Variants in SORCS1 observed in about 807,000 individuals in gnomAD.
The protein encoded by SORCS1 is sortilin related VPS10 domain containing receptor 1.
SORCS1 carries 60 observed loss-of-function variants against 146.1 expected under a neutral mutation model. The observed-to-expected ratio is 0.41, with a 90% CI of 0.33 to 0.51. The LOEUF is 0.51. Ranked by LOEUF, SORCS1 falls within the 20% of genes least tolerant of loss-of-function variation. The probability of loss-of-function intolerance (pLI) is 0.21; values close to 1 mark genes in which losing one functional copy is unlikely to be tolerated. For synonymous variants in SORCS1, 637 were observed against 584.0 expected (o/e 1.09, Z -1.31); for missense variants, 1,352 against 1,487.6 (o/e 0.91, Z 1.50).
rs530742510 is a variant in SORCS1, at chr10:106,938,902, C to T, written c.626+17611G>A. Among the ~76,000 whole-genome samples the T allele has an allele frequency of 2.6e-5, 4 of 152,226 alleles. No homozygotes were observed. In the South Asian group the frequency reaches 8.3e-4, roughly 32 times the overall value. Reference sequence around the variant, plus strand: ...TATTGTAGGCTGGGACATCCTGCTGCCTAGCAAAAGTATAGTCTCCATGTT... The same window carrying T: ...TATTGTAGGCTGGGACATCCTGCTGTCTAGCAAAAGTATAGTCTCCATGTT... On this transcript the variant is annotated intron_variant, in intron 2 of 25. Coordinates refer to ENST00000263054, the MANE Select transcript of SORCS1 (RefSeq NM_052918.5).
intron 22 of SORCS1, among the ~76,000 whole-genome samples, chr10:106,607,961 C>A (rs1255344329): frequency 6.6e-6 from 1 of 152,196 alleles, no homozygotes; most frequent in African/African-American, 2.4e-5. Flanking sequence ...CTTGGCCACA[C>A]TGACTCTTCT....
chr10:106,807,485 C>A (rs1036263171), intron 3 of SORCS1, among the ~76,000 whole-genome samples: 1 of 152,146 alleles, frequency 6.6e-6, no homozygotes, highest in African/African-American at 2.4e-5. Flanking sequence ...GTTTGTAGAT[C>A]CATGCAAGAA....
intron 23 of SORCS1, among the ~76,000 whole-genome samples, chr10:106,601,711 G>T (rs761307288): frequency 2.0e-5 from 3 of 152,130 alleles, no homozygotes; most frequent in Admixed American, 6.5e-5. Context: ...GTGGTGTTGG[G>T]CTCCCTGTGG....
intron 1 of SORCS1, among the ~76,000 whole-genome samples, chr10:107,061,300 G>A (rs986929629): frequency 2.6e-5 from 4 of 152,018 alleles, no homozygotes; most frequent in African/African-American, 9.7e-5. Context: ...AAATTCCCAA[G>A]CAAACATTAG....
intron 5 of SORCS1, among the ~76,000 whole-genome samples, chr10:106,732,042 A>T (rs183705544): frequency 1.3e-4 from 20 of 152,192 alleles, no homozygotes; most frequent in Non-Finnish European, 2.4e-4. Context: ...TCATTTTTCC[A>T]ACTCAAAGAA....
At chr10:106,934,250 TTTTTA>T (rs1953575880) in intron 2 of SORCS1, among the ~76,000 whole-genome samples, 3 of 151,964 alleles carry the variant, frequency 2.0e-5, no homozygotes, top group South Asian at 4.2e-4. Context: ...GATTTTTTAT[TTTTTA>T]TTTTATTTAT....
intron 1 of SORCS1, among the ~76,000 whole-genome samples, chr10:107,010,656 G>A (rs554178879): frequency 1.1e-4 from 17 of 150,026 alleles, no homozygotes; most frequent in African/African-American, 3.8e-4. Context: ...GTTAATAGGA[G>A]CTGATTGAAC....
intron 14 of SORCS1, 95 bp downstream of exon 14, chr10:106,674,954 C>A: frequency 1.0e-6 from 1 of 960,410 alleles, no homozygotes; most frequent in East Asian, 2.5e-5. Flanking sequence ...AACCTTGAAC[C>A]TAACAGCTGC....
At position 106,597,353 on chromosome 10, in the gene SORCS1, G is replaced by A. The variant is rs758327035; in HGVS notation, c.3263C>T (p.Ala1088Val). Residue 1088 changes from alanine to valine, a missense_variant and splice_region_variant, in exon 24 of 26, where the codon GCG (alanine) becomes GTG (valine). Coordinates refer to ENST00000263054, the MANE Select transcript of SORCS1 (RefSeq NM_052918.5). ...RVLVHAAHLT[A>V]APLVDLTPTH... ...AACCCCGGGACATGGACACTGACCC[G>A]CTGTTAAGTGAGCAGCATGGACAAG... 22 of 1,613,492 alleles carry A rather than the reference G, an allele frequency of 1.4e-5. No individual in the cohort carries two copies. Among genetic ancestry groups the A allele is most frequent in the East Asian group, 2.2e-5 (1 of 44,852 alleles).
intron 1 of SORCS1, among the ~76,000 whole-genome samples, chr10:107,141,605 G>C (rs529053137): frequency 6.6e-6 from 1 of 152,308 alleles, no homozygotes; most frequent in South Asian, 2.1e-4. Context: ...GTATGCAGAA[G>C]TCCCACGCAG....
At chr10:106,603,476 A>G (rs898173334) in intron 23 of SORCS1, among the ~76,000 whole-genome samples, 1 of 152,206 alleles carries the variant, frequency 6.6e-6, no homozygotes, top group Non-Finnish European at 1.5e-5. Context: ...AGATAGCTCG[A>G]TCCAAGCCAG....
chr10:106,966,963 T>C (rs571380839), intron 1 of SORCS1, among the ~76,000 whole-genome samples: 2 of 152,212 alleles, frequency 1.3e-5, no homozygotes, highest in African/African-American at 4.8e-5. Context: ...ACTCTAGTCA[T>C]AGAGTCAGGT....
intron 1 of SORCS1, among the ~76,000 whole-genome samples, chr10:107,113,259 T>C (rs1355940943): frequency 6.6e-6 from 1 of 151,894 alleles, no homozygotes; most frequent in African/African-American, 2.4e-5. Context: ...GAACAATCAA[T>C]GGTTCAAAGA....
At chr10:106,593,586 A>G (rs1045467763) in intron 24 of SORCS1, among the ~76,000 whole-genome samples, 7 of 152,210 alleles carry the variant, frequency 4.6e-5, no homozygotes, top group African/African-American at 1.7e-4. Flanking sequence ...ATATAAATCT[A>G]TATCTACTCC....
At chr10:106,608,618 T>C (rs918024695) in intron 22 of SORCS1, among the ~76,000 whole-genome samples, 1 of 152,206 alleles carries the variant, frequency 6.6e-6, no homozygotes, top group Non-Finnish European at 1.5e-5. Flanking sequence ...AATATTATTT[T>C]AGGCAACCTC....
chr10:106,687,107 G>A (rs1852908655), intron 10 of SORCS1, among the ~76,000 whole-genome samples: 2 of 152,224 alleles, frequency 1.3e-5, no homozygotes, highest in South Asian at 4.1e-4. Context: ...TTTGCAATTT[G>A]CAATTTGCCT....
intron 18 of SORCS1, among the ~76,000 whole-genome samples, chr10:106,642,138 C>A (rs1337638213): frequency 6.6e-6 from 1 of 152,148 alleles, no homozygotes; most frequent in Non-Finnish European, 1.5e-5. Context: ...ATGCAAGTAA[C>A]TGGGACAAAG....
intron 1 of SORCS1, among the ~76,000 whole-genome samples, chr10:107,013,962 A>T (rs1054367404): frequency 1.3e-5 from 2 of 152,112 alleles, no homozygotes. Context: ...GAGGGGGCTT[A>T]AAAAGAGAGA....
At chr10:107,178,933 A>T in the SORCS1 span, among the ~76,000 whole-genome samples, 1 of 152,170 alleles carries the variant, frequency 6.6e-6, no homozygotes, top group African/African-American at 2.4e-5. Context: ...ATGAGGGTTC[A>T]GGTATTCCTT....
Sources: allele counts gnomAD v4.1 joint callset (sites outside exome capture counted in the v4.1 genomes callset), GRCh38; gene constraint gnomAD v4.1.1; transcripts MANE v1.5; gene names NCBI Gene and HGNC (gene_info 2026-07-23, HGNC 2026-07-21).